The following EARS2 variants were observed in gnomAD, a reference collection of about 807,000 sequenced individuals.
EARS2 encodes the protein glutamyl-tRNA synthetase 2, mitochondrial, also known as nondiscriminating glutamyl-tRNA synthetase EARS2, mitochondrial.
Under a neutral mutation model 54.1 loss-of-function variants are expected in EARS2, and 50 were observed. The ratio of observed to expected loss-of-function variants is 0.92; its 90% CI spans 0.74 to 1.17. The LOEUF (loss-of-function observed/expected upper bound fraction) is 1.17. Among genes scored for constraint, EARS2 ranks in the 50% most tolerant of loss-of-function variants. The pLI is 0.00. For synonymous variants in EARS2, 298 were observed against 281.0 expected (o/e 1.06, Z -0.61); for missense variants, 673 against 675.0 (o/e 1.00, Z 0.03).
intron 3 of EARS2, among the ~76,000 whole-genome samples, chr16:23,542,147 C>G (rs1965523271): frequency 6.6e-6 from 1 of 151,034 alleles, no homozygotes. Flanking sequence ...CATGAGCCAC[C>G]ACTCCAGGCC....
intron 1 of EARS2, chr16:23,556,653 C>A: frequency 3.0e-6 from 1 of 328,416 alleles, no homozygotes. Context: ...GCCACCGCGC[C>A]TGGCCTCCAG....
intron 1 of EARS2, chr16:23,556,885 C>A (rs767367311): frequency 2.0e-5 from 12 of 594,544 alleles, no homozygotes; most frequent in African/African-American, 3.7e-5. Flanking sequence ...GAGCAAGGCC[C>A]CTACCTTTCT....
chr16:23,557,013 A>C, intron 1 of EARS2, 192 bp downstream of exon 1: 5 of 877,818 alleles, frequency 5.7e-6, no homozygotes, highest in Non-Finnish European at 9.0e-6. Flanking sequence ...AAAACACAAG[A>C]AACTCCTGGC....
rs757369494 is a variant in EARS2, at chr16:23,522,095, C to A, written c.*2276G>T. The A allele has an allele frequency of 3.4e-5, 10 of 296,844 alleles. No homozygotes were observed. The highest frequency in any genetic ancestry group is 6.1e-5 in the Non-Finnish European group (9 of 147,458). The allele number at this position is 296,844 out of a possible 1,614,324, so 18.4% of individuals were successfully genotyped here. A position where few individuals can be genotyped will look rare whatever the true frequency, so the allele number is the denominator to read the frequency against. Reference sequence around the variant, plus strand: ...ATCTGACACCTGGGAGAGGGTGAGGCTCATATAAGCGCACAATAAATTACA... The same window carrying A: ...ATCTGACACCTGGGAGAGGGTGAGGATCATATAAGCGCACAATAAATTACA... On this transcript the variant is annotated 3_prime_UTR_variant, in exon 9 of 9. Transcript: ENST00000449606.
chr16:23,540,317 G>GA (rs916992962), intron 3 of EARS2, among the ~76,000 whole-genome samples: 8 of 151,686 alleles, frequency 5.3e-5, no homozygotes, highest in East Asian at 1.9e-4. Flanking sequence ...AATGAGATGA[G>GA]AAAAAAAATA....
chr16:23,540,575 G>A (rs1004625611), intron 3 of EARS2, among the ~76,000 whole-genome samples: 2 of 152,226 alleles, frequency 1.3e-5, no homozygotes, highest in Admixed American at 6.5e-5. Flanking sequence ...TACTGCACAA[G>A]TGCAAAATGA....
At chr16:23,537,841 GAGTAC>G (rs1194980522) in intron 3 of EARS2, among the ~76,000 whole-genome samples, 1 of 149,656 alleles carries the variant, frequency 6.7e-6, no homozygotes, top group African/African-American at 2.5e-5. Flanking sequence ...ACCCAGGCTG[GAGTAC>G]AGTAGAGTGA....
chr16:23,552,677 G>T (rs188058655), intron 1 of EARS2, among the ~76,000 whole-genome samples: 2 of 152,344 alleles, frequency 1.3e-5, no homozygotes, highest in African/African-American at 4.8e-5. Context: ...TTTTGGTAGA[G>T]ACAGGCATTC....
At chr16:23,549,746 G>A (rs988972229) in intron 2 of EARS2, among the ~76,000 whole-genome samples, 4 of 152,094 alleles carry the variant, frequency 2.6e-5, no homozygotes, top group Non-Finnish European at 4.4e-5. Flanking sequence ...GTGTACCCCT[G>A]TGCCCGACCT....
chr16:23,538,700 GA>G (rs988916080), intron 3 of EARS2, among the ~76,000 whole-genome samples: 1 of 150,684 alleles, frequency 6.6e-6, no homozygotes, highest in African/African-American at 2.4e-5. Flanking sequence ...AGAAATTTAA[GA>G]AAAAAAAAGA....
intron 2 of EARS2, among the ~76,000 whole-genome samples, chr16:23,550,429 C>T (rs190269459): frequency 4.7e-4 from 62 of 132,742 alleles, no homozygotes; most frequent in Non-Finnish European, 8.7e-4. Context: ...GCACTAAGCA[C>T]ATGGTCTTTT....
chr16:23,556,514 C>T (rs1450659399), intron 1 of EARS2, among the ~76,000 whole-genome samples: 5 of 152,184 alleles, frequency 3.3e-5, no homozygotes, highest in Non-Finnish European at 7.3e-5. Flanking sequence ...GCCACCATGC[C>T]CAGATAATTT....
At chr16:23,557,145 T>G in intron 1 of EARS2, 60 bp downstream of exon 1, 1 of 1,494,306 alleles carries the variant, frequency 6.7e-7, no homozygotes, top group Non-Finnish European at 8.8e-7. Flanking sequence ...TCGGGAACAT[T>G]CGTGGGGCGG....
In EARS2 at chr16:23,547,168, G is replaced by A. The variant is rs575297085; in HGVS notation, c.296-2465C>T. The stretch of plus-strand genomic sequence containing the variant: ...ACAAAATGTGGTATAACCATATGAT[G>A]AATATTATTTGGCTATAAAAAGGAA... On this transcript the variant is annotated intron_variant, in intron 2 of 8. Coordinates refer to ENST00000449606, the MANE Select transcript of EARS2 (RefSeq NM_001083614.2). Among the ~76,000 whole-genome samples, 151 of 151,492 alleles carry A rather than the reference G, an allele frequency of 1.0e-3. 1 individual carries two copies. Among genetic ancestry groups the A allele is most frequent in the African/African-American group, 3.2e-3 (131 of 41,506 alleles).
At chr16:23,538,286 TACAGGTGCACGCC>T (rs1316235256) in intron 3 of EARS2, among the ~76,000 whole-genome samples, 5 of 152,068 alleles carry the variant, frequency 3.3e-5, no homozygotes, top group Non-Finnish European at 5.9e-5. Flanking sequence ...TAGCTGGGAT[TACAGGTGCACGCC>T]ACCATGCCCA....
intron 2 of EARS2, among the ~76,000 whole-genome samples, chr16:23,548,373 A>G (rs944967809): frequency 1.3e-5 from 2 of 152,192 alleles, no homozygotes; most frequent in Non-Finnish European, 2.9e-5. Flanking sequence ...TGCCTCGCCA[A>G]AACACCAGGG....
rs1343089548 is a variant in EARS2 at position 23,535,267 on chromosome 16, C to G, written c.579G>C (p.Gln193His). 3.7e-6 allele frequency: 6 copies of G among 1,609,050 alleles called. No individual in the cohort carries two copies. The highest frequency in any genetic ancestry group is 5.1e-6 in the Non-Finnish European group (6 of 1,178,940). ...CCAGGTCCTGGAAGGCTGGCACCAC[C>G]TGCTCCAGGCGGAAGCGGATCGCAG... ...PKPAIRFRLE[Q>H]VVPAFQDLVY... is the part of the protein sequence containing the mutation. Residue 193 changes from glutamine to histidine, a missense_variant, in exon 4 of 9, where the codon CAG (glutamine) becomes CAC (histidine). Coordinates refer to ENST00000449606, the MANE Select transcript of EARS2 (RefSeq NM_001083614.2).
intron 3 of EARS2, among the ~76,000 whole-genome samples, chr16:23,536,112 C>T (rs537759052): frequency 6.6e-6 from 1 of 152,300 alleles, no homozygotes; most frequent in African/African-American, 2.4e-5. Flanking sequence ...GAAATGCAGA[C>T]TCTTAGGCTC....
At chr16:23,544,289 C>A (rs1965564289) in intron 3 of EARS2, among the ~76,000 whole-genome samples, 1 of 152,184 alleles carries the variant, frequency 6.6e-6, no homozygotes, top group Non-Finnish European at 1.5e-5. Flanking sequence ...GGAAGTAGAT[C>A]TTCCCCAAGC....
Sources: gnomAD v4.1 joint callset for allele counts (sites outside exome capture counted in the v4.1 genomes callset) on GRCh38, gnomAD v4.1.1 for gene constraint, MANE v1.5 for transcripts, NCBI Gene and HGNC (gene_info 2026-07-23, HGNC 2026-07-21) for gene names.